The following GABRB2 variants were observed in gnomAD, a reference collection of about 807,000 sequenced individuals.
The protein encoded by GABRB2 is gamma-aminobutyric acid receptor subunit beta-2.
Under a neutral mutation model 54.7 loss-of-function variants are expected in GABRB2, and 16 were observed. The ratio of observed to expected loss-of-function variants is 0.29; its 90% confidence interval spans 0.20 to 0.44. The LOEUF is 0.44. GABRB2 is among the 20% of genes least tolerant of loss of function. GABRB2 has a pLI of 1.00. For missense variants in GABRB2, 355 were observed against 644.0 expected (o/e 0.55, Z 4.86); for synonymous variants, 244 against 233.8 (o/e 1.04, Z -0.40).
At chr5:161,316,319 A>T (rs1758026282) in intron 9 of GABRB2, among the ~76,000 whole-genome samples, 1 of 152,156 alleles carries the variant, frequency 6.6e-6, no homozygotes, top group South Asian at 2.1e-4. Flanking sequence ...ATATCTGCAG[A>T]GCCATGAGCA....
chr5:161,350,922 A>G (rs555469753), intron 5 of GABRB2, among the ~76,000 whole-genome samples: 12 of 152,026 alleles, frequency 7.9e-5, no homozygotes, highest in South Asian at 2.1e-4. Context: ...AGGCTGCACT[A>G]TTGGCTTCCC....
intron 5 of GABRB2, among the ~76,000 whole-genome samples, chr5:161,397,589 C>T (rs1034381323): frequency 3.3e-5 from 5 of 152,002 alleles, no homozygotes; most frequent in Admixed American, 3.3e-4. Context: ...ATTTAAGAAA[C>T]AAAGTGAGGA....
chr5:161,359,279 A>G (rs2113448715), intron 5 of GABRB2, among the ~76,000 whole-genome samples: 1 of 152,252 alleles, frequency 6.6e-6, no homozygotes, highest in East Asian at 1.9e-4. Context: ...CACCTATGTC[A>G]TTTTCTTGTC....
At chr5:161,314,110 A>C (rs1415760148) in intron 9 of GABRB2, among the ~76,000 whole-genome samples, 1 of 152,202 alleles carries the variant, frequency 6.6e-6, no homozygotes, top group Non-Finnish European at 1.5e-5. Flanking sequence ...TAAACAACTG[A>C]AGTCAACAAT....
At chr5:161,453,212 A>G (rs1251061885) in intron 4 of GABRB2, among the ~76,000 whole-genome samples, 1 of 152,198 alleles carries the variant, frequency 6.6e-6, no homozygotes, top group Non-Finnish European at 1.5e-5. Flanking sequence ...ATTCTTCCCC[A>G]TATCTAGCCA....
At chr5:161,325,093 C>A (rs1411295655) in intron 9 of GABRB2, among the ~76,000 whole-genome samples, 1 of 152,036 alleles carries the variant, frequency 6.6e-6, no homozygotes, top group South Asian at 2.1e-4. Flanking sequence ...AGAAATACAG[C>A]CTTCTTCAAT....
Position 161,409,817 on chromosome 5 carries a change from TA to T in GABRB2, c.541+1157del, listed in dbSNP as rs1756455126. Among the ~76,000 whole-genome samples the T allele has an allele frequency of 3.3e-5, 5 of 152,312 alleles. No homozygotes were observed. The South Asian group carries it at 8.3e-4, about 25-fold the overall frequency. On this transcript the variant is annotated intron_variant, in intron 5 of 9. Transcript: ENST00000393959. ...CAATGCTATCTTAAAAATATTTACATAAAGTTAATAATTGAAATCCTATGGA... is the reference window on the plus strand; with the variant it reads ...CAATGCTATCTTAAAAATATTTACATAAGTTAATAATTGAAATCCTATGGA...
At chr5:161,327,072 AC>A in intron 8 of GABRB2, 1 of 598,370 alleles carries the variant, frequency 1.7e-6, no homozygotes, top group Non-Finnish European at 2.1e-6. Flanking sequence ...ACACACACAC[AC>A]ACAAACTAGA....
At chr5:161,386,584 C>T (rs890348275) in intron 5 of GABRB2, among the ~76,000 whole-genome samples, 1 of 152,024 alleles carries the variant, frequency 6.6e-6, no homozygotes, top group African/African-American at 2.4e-5. Context: ...CTCACTCTGT[C>T]GCCCTAGCTG....
chr5:161,338,690 T>C (rs1754067060), intron 5 of GABRB2, among the ~76,000 whole-genome samples: 1 of 152,002 alleles, frequency 6.6e-6, no homozygotes, highest in South Asian at 2.1e-4. Flanking sequence ...CTTGGGAGAC[T>C]GAGGTGGGAG....
intron 5 of GABRB2, among the ~76,000 whole-genome samples, chr5:161,352,463 C>A (rs1048455322): frequency 1.3e-5 from 2 of 151,882 alleles, no homozygotes; most frequent in Non-Finnish European, 2.9e-5. Flanking sequence ...AACAGAAAGA[C>A]AAATATTGCA....
intron 3 of GABRB2, among the ~76,000 whole-genome samples, chr5:161,469,362 A>G (rs372437639): frequency 3.9e-5 from 6 of 151,946 alleles, no homozygotes; most frequent in African/African-American, 1.2e-4. Context: ...ACAAAGCATA[A>G]ATTTCTTTTA....
intron 3 of GABRB2, among the ~76,000 whole-genome samples, chr5:161,464,577 A>C (rs753602505): frequency 6.6e-6 from 1 of 152,092 alleles, no homozygotes; most frequent in Non-Finnish European, 1.5e-5. Flanking sequence ...AGAACCTAGC[A>C]ATCCCACTCC....
At chr5:161,418,614 G>A (rs949445847) in intron 4 of GABRB2, among the ~76,000 whole-genome samples, 7 of 152,088 alleles carry the variant, frequency 4.6e-5, no homozygotes, top group Middle Eastern at 3.2e-3. Flanking sequence ...GACTTCAAAA[G>A]CAAATGCAAC....
At chr5:161,349,002 T>A (rs1754392460) in intron 5 of GABRB2, among the ~76,000 whole-genome samples, 2 of 152,116 alleles carry the variant, frequency 1.3e-5, no homozygotes, top group African/African-American at 2.4e-5. Flanking sequence ...TCTCTTCATA[T>A]GCCCCTTAAA....
intron 9 of GABRB2, among the ~76,000 whole-genome samples, chr5:161,321,576 A>C (rs931483538): frequency 6.6e-6 from 1 of 152,154 alleles, no homozygotes; most frequent in African/African-American, 2.4e-5. Flanking sequence ...GACTCACAGA[A>C]GCTATTCCTT....
At chr5:161,488,665 A>C (rs1759000952) in intron 3 of GABRB2, among the ~76,000 whole-genome samples, 1 of 151,798 alleles carries the variant, frequency 6.6e-6, no homozygotes, top group South Asian at 2.1e-4. Flanking sequence ...TGCTAAAATT[A>C]ATTTCTCTTC....
At chr5:161,363,058 G>A (rs2910299) in intron 5 of GABRB2, among the ~76,000 whole-genome samples, 112,742 of 152,002 alleles carry the variant, frequency 0.74, 42,258 homozygotes, top group South Asian at 0.86. Flanking sequence ...AAATCATTCT[G>A]CTATAAAGAC....
intron 3 of GABRB2, among the ~76,000 whole-genome samples, chr5:161,530,725 A>T (rs17059516): frequency 0.042 from 6,469 of 152,214 alleles, 414 homozygotes; most frequent in Admixed American, 0.16. Context: ...TGTGGCAAGG[A>T]CTTAAAATAT....
Sources: gnomAD v4.1 joint callset for allele counts (sites outside exome capture counted in the v4.1 genomes callset) on GRCh38, gnomAD v4.1.1 for gene constraint, MANE v1.5 for transcripts, NCBI Gene and HGNC (gene_info 2026-07-23, HGNC 2026-07-21) for gene names.